The following PLXDC2 variants were observed in gnomAD, a reference collection of about 807,000 sequenced individuals.
The protein encoded by PLXDC2 is plexin domain-containing protein 2.
A neutral mutation model predicts 68.9 loss-of-function variants in PLXDC2; 40 were observed. That is an observed-to-expected ratio of 0.58 (90% CI 0.45 to 0.76). The LOEUF is 0.76. PLXDC2 is among the 30% of genes least tolerant of loss of function. The probability of loss-of-function intolerance (pLI) is 0.00; values close to 1 mark genes in which losing one functional copy is unlikely to be tolerated. For missense variants in PLXDC2, 644 were observed against 661.9 expected (o/e 0.97, Z 0.30); for synonymous variants, 243 against 234.2 (o/e 1.04, Z -0.34).
At position 20,087,708 on chromosome 10, in the gene PLXDC2, G is replaced by A. The variant is rs75944324; in HGVS notation, c.541+19469G>A. 3.4e-3 allele frequency among the ~76,000 whole-genome samples: 514 copies of A among 152,310 alleles called. 4 individuals carry two copies. The highest frequency in any genetic ancestry group is 0.012 in the African/African-American group (500 of 41,574). ...AAAAGCAATTTCTTAACCTAATGAA[G>A]TAGTTAATTTAAAACCAAGGCCGAT... On this transcript the variant is annotated intron_variant, in intron 4 of 13. Transcript: ENST00000377252.
intron 1 of PLXDC2, among the ~76,000 whole-genome samples, chr10:19,945,215 G>T (rs1262860669): frequency 6.6e-6 from 1 of 152,168 alleles, no homozygotes; most frequent in African/African-American, 2.4e-5. Context: ...ATAAATACAA[G>T]AGCACTTGTA....
At chr10:19,825,002 T>C (rs1213311045) in intron 1 of PLXDC2, among the ~76,000 whole-genome samples, 1 of 152,132 alleles carries the variant, frequency 6.6e-6, no homozygotes, top group African/African-American at 2.4e-5. Flanking sequence ...AAATCTCTTC[T>C]GTCAGAGGCC....
At chr10:20,235,576 A>T (rs1171278017) in intron 12 of PLXDC2, among the ~76,000 whole-genome samples, 4 of 152,200 alleles carry the variant, frequency 2.6e-5, no homozygotes, top group Non-Finnish European at 5.9e-5. Context: ...AGAAAAGAAG[A>T]CAGGATTGAA....
intron 4 of PLXDC2, among the ~76,000 whole-genome samples, chr10:20,112,364 C>A (rs1429361755): frequency 6.6e-6 from 1 of 150,482 alleles, no homozygotes; most frequent in Non-Finnish European, 1.5e-5. Flanking sequence ...GTTCTACTTT[C>A]CAATTAGTAT....
chr10:20,004,639 T>C (rs1834997047), intron 2 of PLXDC2, among the ~76,000 whole-genome samples: 1 of 152,184 alleles, frequency 6.6e-6, no homozygotes, highest in Non-Finnish European at 1.5e-5. Context: ...CTTTTAAATT[T>C]CTTCGAAAAA....
At chr10:19,948,944 A>G (rs1188231921) in intron 1 of PLXDC2, among the ~76,000 whole-genome samples, 2 of 151,914 alleles carry the variant, frequency 1.3e-5, no homozygotes, top group African/African-American at 2.4e-5. Flanking sequence ...GTCCTAGCCA[A>G]CATGGTGAAA....
chr10:20,239,152 A>G (rs144096121), intron 12 of PLXDC2, among the ~76,000 whole-genome samples: 227 of 152,274 alleles, frequency 1.5e-3, no homozygotes, highest in Middle Eastern at 6.8e-3. Flanking sequence ...TCTGTGTGTT[A>G]CGTTTTACTA....
chr10:20,044,207 C>CTCTCTCTTTCTTTCTT (rs1564293827), intron 2 of PLXDC2, among the ~76,000 whole-genome samples: 2 of 89,958 alleles, frequency 2.2e-5, no homozygotes, highest in Admixed American at 1.2e-4. Flanking sequence ...CTCTCTCTCT[C>CTCTCTCTTTCTTTCTT]TCTGTCTTTC....
intron 1 of PLXDC2, among the ~76,000 whole-genome samples, chr10:19,888,677 A>G (rs1837892174): frequency 6.6e-6 from 1 of 152,158 alleles, no homozygotes; most frequent in Admixed American, 6.5e-5. Context: ...ACTTGCACAG[A>G]TCTAGGTGAC....
intron 12 of PLXDC2, among the ~76,000 whole-genome samples, chr10:20,227,210 C>A (rs1412283263): frequency 6.6e-6 from 1 of 152,056 alleles, no homozygotes; most frequent in Non-Finnish European, 1.5e-5. Flanking sequence ...ATGCAAAGAT[C>A]TACATGGTCT....
chr10:19,993,661 C>G (rs1299499659), intron 1 of PLXDC2, among the ~76,000 whole-genome samples: 2 of 152,216 alleles, frequency 1.3e-5, no homozygotes, highest in Non-Finnish European at 2.9e-5. Context: ...CTCAGGTGAT[C>G]CACACACCTT....
At chr10:20,146,515 CCTT>C (rs1207965761) in intron 5 of PLXDC2, among the ~76,000 whole-genome samples, 42 of 145,654 alleles carry the variant, frequency 2.9e-4, no homozygotes, top group South Asian at 7.0e-4. Context: ...TTCCTTCCTT[CCTT>C]CCTCCCTCCC....
intron 9 of PLXDC2, among the ~76,000 whole-genome samples, chr10:20,181,803 G>A (rs1054141649): frequency 6.6e-6 from 1 of 152,010 alleles, no homozygotes; most frequent in Non-Finnish European, 1.5e-5. Context: ...ATAATGGAAA[G>A]CATTTAGACT....
intron 2 of PLXDC2, among the ~76,000 whole-genome samples, chr10:20,008,452 C>T (rs924690441): frequency 6.6e-6 from 1 of 152,058 alleles, no homozygotes; most frequent in African/African-American, 2.4e-5. Flanking sequence ...ACTCGAGAGG[C>T]TGAGGCAGGA....
intron 6 of PLXDC2, among the ~76,000 whole-genome samples, chr10:20,159,967 T>A (rs988450740): frequency 5.3e-5 from 8 of 152,180 alleles, no homozygotes; most frequent in Non-Finnish European, 1.0e-4. Context: ...TTCTCCTTGG[T>A]ACTAACCACC....
intron 4 of PLXDC2, among the ~76,000 whole-genome samples, 160 bp from the exon 5 acceptor site, chr10:20,143,135 A>G (rs1230396747): frequency 1.3e-5 from 2 of 152,080 alleles, no homozygotes; most frequent in Non-Finnish European, 2.9e-5. Flanking sequence ...CAGACCAAGT[A>G]TTGTTAATTA....
chr10:20,040,551 C>T (rs574367222), intron 2 of PLXDC2, among the ~76,000 whole-genome samples: 3 of 152,222 alleles, frequency 2.0e-5, no homozygotes, highest in Admixed American at 1.3e-4. Context: ...GTCTTGCTCT[C>T]GACTTTTGCT....
intron 4 of PLXDC2, among the ~76,000 whole-genome samples, chr10:20,073,256 T>G (rs1836367431): frequency 6.6e-6 from 1 of 152,212 alleles, no homozygotes; most frequent in African/African-American, 2.4e-5. Context: ...CTCTTCATCT[T>G]ACTTCATTGT....
rs141465745 is a variant in PLXDC2, at chr10:20,062,601, T to C, written c.472-5569T>C. 5.5e-3 allele frequency among the ~76,000 whole-genome samples: 844 copies of C among 152,210 alleles called. 9 individuals carry two copies. The highest frequency in any genetic ancestry group is 0.019 in the African/African-American group (810 of 41,552). Reference sequence around the variant, plus strand: ...GTGATTAAATATTTAAAAATACAGTTCCATATACTTCCATTAAAAGAAGAT... The same window carrying C: ...GTGATTAAATATTTAAAAATACAGTCCCATATACTTCCATTAAAAGAAGAT... On this transcript the variant is annotated intron_variant, in intron 3 of 13. Transcript: ENST00000377252.
Sources: gnomAD v4.1 joint callset for allele counts (sites outside exome capture counted in the v4.1 genomes callset) on GRCh38, gnomAD v4.1.1 for gene constraint, MANE v1.5 for transcripts, NCBI Gene and HGNC (gene_info 2026-07-23, HGNC 2026-07-21) for gene names.